The following TTC6 variants were observed in gnomAD, a reference collection of about 807,000 sequenced individuals.
TTC6 encodes the protein tetratricopeptide repeat protein 6.
Under a neutral mutation model 210.4 loss-of-function variants are expected in TTC6, and 172 were observed. The ratio of observed to expected loss-of-function variants is 0.82; its 90% CI spans 0.72 to 0.93. TTC6 has a LOEUF of 0.93. Among genes scored for constraint, TTC6 ranks in the 40% least tolerant of loss-of-function variants. The probability of loss-of-function intolerance (pLI) is 0.00; values close to 1 mark genes in which losing one functional copy is unlikely to be tolerated. For synonymous variants in TTC6, 804 were observed against 819.6 expected (o/e 0.98, Z 0.32); for missense variants, 2,414 against 2,318.1 (o/e 1.04, Z -0.85).
chr14:37,732,394 A>T (rs4294721), intron 7 of TTC6, among the ~76,000 whole-genome samples: 4 of 151,356 alleles, frequency 2.6e-5, no homozygotes, highest in African/African-American at 9.7e-5. Flanking sequence ...CGTGTTAGCC[A>T]GGATGGTGTC....
chr14:37,801,891 G>T (rs1009231594), intron 20 of TTC6, among the ~76,000 whole-genome samples: 1 of 49,418 alleles, frequency 2.0e-5, no homozygotes, highest in Admixed American at 2.9e-4. Flanking sequence ...TCTCATTACT[G>T]AGTATATATT....
chr14:37,779,372 T>C (rs1446767147), intron 14 of TTC6, among the ~76,000 whole-genome samples: 2 of 152,144 alleles, frequency 1.3e-5, no homozygotes, highest in Admixed American at 6.5e-5. Flanking sequence ...TTAGAAGTCT[T>C]TTTTTTGGCT....
At chr14:37,805,689 GT>G (rs956281385) in intron 21 of TTC6, among the ~76,000 whole-genome samples, 60 of 151,994 alleles carry the variant, frequency 3.9e-4, no homozygotes, top group Admixed American at 6.6e-4. Context: ...GTTCTGAAGT[GT>G]TTTTTTGTTT....
chr14:37,758,997 G>A (rs1415672178), intron 14 of TTC6, among the ~76,000 whole-genome samples: 1 of 152,032 alleles, frequency 6.6e-6, no homozygotes, highest in African/African-American at 2.4e-5. Context: ...TTTCTGCTGG[G>A]TGTGGTGGCT....
chr14:37,617,969 T>C (rs910618036), upstream of TTC6, among the ~76,000 whole-genome samples: 5 of 152,192 alleles, frequency 3.3e-5, no homozygotes, highest in African/African-American at 1.2e-4. Context: ...TGGTAATTCA[T>C]ATTACTTTCT....
intron 5 of TTC6, among the ~76,000 whole-genome samples, chr14:37,713,940 C>G (rs1431933801): frequency 6.6e-6 from 1 of 151,992 alleles, no homozygotes; most frequent in Non-Finnish European, 1.5e-5. Context: ...ATTGATATAT[C>G]TATATTATGT....
intron 14 of TTC6, among the ~76,000 whole-genome samples, chr14:37,768,288 T>C (rs1226455433): frequency 6.6e-6 from 1 of 151,392 alleles, no homozygotes; most frequent in African/African-American, 2.4e-5. Context: ...ATGCGGGCTC[T>C]TTTTTGGTTC....
chr14:37,793,329 C>G (rs1267508625), intron 17 of TTC6, among the ~76,000 whole-genome samples: 3 of 152,148 alleles, frequency 2.0e-5, no homozygotes, highest in Admixed American at 1.3e-4. Context: ...CCAGGATAAG[C>G]TAGGCTATAC....
chr14:37,772,925 A>G (rs1298954637), intron 14 of TTC6, among the ~76,000 whole-genome samples: 1 of 152,146 alleles, frequency 6.6e-6, no homozygotes, highest in Non-Finnish European at 1.5e-5. Flanking sequence ...AGAAAATGTC[A>G]TTTTAATAAT....
At chr14:37,621,902 G>T (rs1248939522), upstream of TTC6, 4 of 527,430 alleles carry the variant, frequency 7.6e-6, no homozygotes, top group Non-Finnish European at 9.8e-6. Flanking sequence ...AAAATTACAT[G>T]ATAATTTTAC....
chr14:37,680,260 T>C (rs1258606950), exon 2 of TTC6: 6 of 1,506,518 alleles, frequency 4.0e-6, no homozygotes, highest in African/African-American at 1.4e-5. Context: ...GAATCGCAAA[T>C]GGTAAAGTCT....
intron 24 of TTC6, among the ~76,000 whole-genome samples, chr14:37,811,392 T>A (rs2096129272): frequency 6.6e-6 from 1 of 152,214 alleles, no homozygotes; most frequent in African/African-American, 2.4e-5. Flanking sequence ...TGCACATTTT[T>A]TAAAGACACT....
At chr14:37,648,487 C>T (rs1174290002) in intron 1 of TTC6, among the ~76,000 whole-genome samples, 1 of 152,104 alleles carries the variant, frequency 6.6e-6, no homozygotes, top group East Asian at 1.9e-4. Flanking sequence ...CATTTGTCTT[C>T]ATAGGTGAGA....
At chr14:37,748,754 CT>C (rs2095943302) in intron 10 of TTC6, among the ~76,000 whole-genome samples, 184 bp from the exon 13 acceptor site, 1 of 152,108 alleles carries the variant, frequency 6.6e-6, no homozygotes, top group African/African-American at 2.4e-5. Context: ...CTTTCATAAA[CT>C]TGAGGGAGAT....
intron 14 of TTC6, among the ~76,000 whole-genome samples, chr14:37,776,365 G>C (rs1464196861): frequency 6.6e-6 from 1 of 152,076 alleles, no homozygotes; most frequent in South Asian, 2.1e-4. Flanking sequence ...AATGTTGCCA[G>C]GTGGTTATTA....
exon 10 of TTC6, chr14:37,738,840 A>G: frequency 1.3e-6 from 2 of 1,532,830 alleles, no homozygotes; most frequent in South Asian, 1.2e-5. Flanking sequence ...ATCAAGAATG[A>G]TATGCAAAGC....
chr14:37,833,164 G>T (rs2096189972), intron 29 of TTC6, among the ~76,000 whole-genome samples: 1 of 151,426 alleles, frequency 6.6e-6, no homozygotes, highest in African/African-American at 2.4e-5. Context: ...CTGTCTCTTT[G>T]TTGATTTTCT....
chr14:37,805,453 A>ACACACT (rs911902105), intron 21 of TTC6, among the ~76,000 whole-genome samples: 5 of 150,280 alleles, frequency 3.3e-5, no homozygotes, highest in African/African-American at 9.8e-5. Context: ...ACACACACAC[A>ACACACT]AACACACACA....
intron 14 of TTC6, among the ~76,000 whole-genome samples, chr14:37,764,584 T>C (rs1186591050): frequency 6.6e-6 from 1 of 152,164 alleles, no homozygotes; most frequent in Non-Finnish European, 1.5e-5. Flanking sequence ...TTAGCAAAGC[T>C]ACTCCCACTC....
Sources: allele counts gnomAD v4.1 joint callset (sites outside exome capture counted in the v4.1 genomes callset), GRCh38; gene constraint gnomAD v4.1.1; transcripts MANE v1.5; gene names NCBI Gene and HGNC (gene_info 2026-07-23, HGNC 2026-07-21).